SLCO3A1: variants seen among roughly 807,000 people sequenced by gnomAD.
SLCO3A1 encodes the protein PGE1 transporter.
Under a neutral mutation model 63.1 loss-of-function variants are expected in SLCO3A1, and 27 were observed. That is an observed-to-expected ratio of 0.43 (90% CI 0.32 to 0.59). The LOEUF (loss-of-function observed/expected upper bound fraction) is 0.59. Among genes scored for constraint, SLCO3A1 ranks in the 20% least tolerant of loss-of-function variants. The probability of loss-of-function intolerance (pLI) is 0.09; values close to 1 mark genes in which losing one functional copy is unlikely to be tolerated. For missense variants in SLCO3A1, 773 were observed against 945.8 expected, an observed-to-expected ratio of 0.82 and a Z score of 2.40; for synonymous variants, 473 against 409.9, an observed-to-expected ratio of 1.15 and a Z score of -1.86.
chr15:92,112,920 G>T (rs1362510590), intron 4 of SLCO3A1, among the ~76,000 whole-genome samples: 6 of 152,178 alleles, frequency 3.9e-5, no homozygotes, highest in Non-Finnish European at 8.8e-5. Context: ...TTTCCAGGGT[G>T]AATGCCTCCA....
chr15:91,880,393 C>CTGTGTG lies in SLCO3A1; in HGVS notation c.180+26306_180+26307insGTGTGT, dbSNP rs1312987837. On this transcript the variant is annotated intron_variant, in intron 1 of 9. Transcript: ENST00000318445. Reference sequence around the variant, plus strand: ...CCGGCACTCGTGCTTCTCTCTCTCTCTCTCTCTCTCTCTCTCTGTGTGTGT... The same window carrying CTGTGTG: ...CCGGCACTCGTGCTTCTCTCTCTCTCTGTGTGTCTCTCTCTCTCTCTCTGTGTGTGT... Among the ~76,000 whole-genome samples the CTGTGTG allele has an allele frequency of 7.1e-3, 316 of 44,688 alleles. 3 individuals are homozygous for CTGTGTG. Among genetic ancestry groups the CTGTGTG allele is most frequent in the Middle Eastern group, 0.024 (2 of 82 alleles). 29.3% of individuals were successfully genotyped at this position (44,688 alleles called of 152,430 possible). A position where few individuals can be genotyped will look rare whatever the true frequency, so the allele number is the denominator to read the frequency against.
At chr15:92,103,443 C>T (rs1400501597) in intron 3 of SLCO3A1, among the ~76,000 whole-genome samples, 1 of 152,022 alleles carries the variant, frequency 6.6e-6, no homozygotes, top group Non-Finnish European at 1.5e-5. Context: ...ATATGCATAG[C>T]CCCTTTAAGC....
intron 2 of SLCO3A1, among the ~76,000 whole-genome samples, chr15:92,021,444 A>G (rs910976446): frequency 1.3e-5 from 2 of 152,218 alleles, no homozygotes; most frequent in Admixed American, 6.5e-5. Context: ...ATTCATAAAC[A>G]AAATAATTTA....
chr15:91,966,330 G>A (rs1044624382), intron 2 of SLCO3A1, among the ~76,000 whole-genome samples: 1 of 152,202 alleles, frequency 6.6e-6, no homozygotes, highest in African/African-American at 2.4e-5. Flanking sequence ...AGACAAAGAG[G>A]TTTGTAGCCA....
At chr15:92,143,430 A>ATGTAATATTATATATAAT (rs1193323281) in intron 7 of SLCO3A1, among the ~76,000 whole-genome samples, 1 of 2,038 alleles carries the variant, frequency 4.9e-4, no homozygotes, top group African/African-American at 1.9e-3. Context: ...ATATATATAT[A>ATGTAATATTATATATAAT]ATATATATAA....
intron 9 of SLCO3A1, among the ~76,000 whole-genome samples, chr15:92,154,216 A>G (rs7162961): frequency 0.51 from 78,335 of 152,156 alleles, 20,529 homozygotes; most frequent in East Asian, 0.86. Flanking sequence ...ATTATTCTCC[A>G]AGTGGAAGCA....
chr15:92,017,765 C>A lies in SLCO3A1; in HGVS notation c.647-77116C>A, dbSNP rs781025201. Among the ~76,000 whole-genome samples the A allele has an allele frequency of 4.6e-5, 7 of 152,224 alleles. No individual in the cohort carries two copies. The East Asian group carries it at 5.8e-4, about 13-fold the overall frequency. On this transcript the variant is annotated intron_variant, in intron 2 of 9. Coordinates refer to ENST00000318445, the MANE Select transcript of SLCO3A1 (RefSeq NM_013272.4). ...AGGGAAGGTGAAGCTACCAGGGGCA[C>A]ATGACACCTCCCAGGATGCTCAGAC...
At chr15:92,014,760 C>CT (rs1958813055) in intron 2 of SLCO3A1, among the ~76,000 whole-genome samples, 1 of 152,066 alleles carries the variant, frequency 6.6e-6, no homozygotes, top group South Asian at 2.1e-4. Context: ...GGATATTGTC[C>CT]TTCTCTGTGG....
At chr15:92,022,888 A>G (rs1428398872) in intron 2 of SLCO3A1, among the ~76,000 whole-genome samples, 1 of 152,008 alleles carries the variant, frequency 6.6e-6, no homozygotes, top group East Asian at 1.9e-4. Context: ...TGCTACCTGC[A>G]GTCAGGGAGT....
At chr15:92,080,048 T>C (rs1471918140) in intron 2 of SLCO3A1, among the ~76,000 whole-genome samples, 1 of 152,262 alleles carries the variant, frequency 6.6e-6, no homozygotes, top group Admixed American at 6.5e-5. Flanking sequence ...TTCACCCTGG[T>C]AAGGCCTGGC....
chr15:92,077,595 T>C (rs966830153), intron 2 of SLCO3A1, among the ~76,000 whole-genome samples: 3 of 152,086 alleles, frequency 2.0e-5, no homozygotes, highest in African/African-American at 7.2e-5. Context: ...CCACTGGTGG[T>C]GGAGCACGAG....
intron 8 of SLCO3A1, 101 bp downstream of exon 8, chr15:92,147,260 C>A: frequency 8.1e-7 from 1 of 1,237,672 alleles, no homozygotes; most frequent in Non-Finnish European, 1.1e-6. Flanking sequence ...TCTCTCGAAC[C>A]AGGTGAGCTA....
At chr15:92,024,122 C>T (rs2046542279) in intron 2 of SLCO3A1, among the ~76,000 whole-genome samples, 1 of 152,218 alleles carries the variant, frequency 6.6e-6, no homozygotes, top group South Asian at 2.1e-4. Context: ...GGTTGCAAAA[C>T]TGTGGACATA....
chr15:92,045,401 A>G (rs1047675803), intron 2 of SLCO3A1, among the ~76,000 whole-genome samples: 3 of 152,194 alleles, frequency 2.0e-5, no homozygotes, highest in Non-Finnish European at 4.4e-5. Flanking sequence ...AGAAATTACC[A>G]TTATAATGTG....
At chr15:91,907,188 A>G (rs1375843319) in intron 1 of SLCO3A1, among the ~76,000 whole-genome samples, 1 of 152,152 alleles carries the variant, frequency 6.6e-6, no homozygotes, top group Non-Finnish European at 1.5e-5. Flanking sequence ...CTTAAAGGAC[A>G]GACCAAGGAG....
At position 92,146,841 on chromosome 15, in the gene SLCO3A1, C is replaced by T. The variant is rs1596144937; in HGVS notation, c.1513-143C>T. 7 of 681,330 alleles carry T rather than the reference C, an allele frequency of 1.0e-5. No homozygotes were observed. The East Asian group carries it at 2.1e-4, about 20-fold the overall frequency. The allele number at this position is 681,330 out of a possible 1,614,324, so 42.2% of individuals were successfully genotyped here. Reference sequence around the variant, plus strand: ...GTGTTTTGCAGCCTCCTTAAAAAAGCTAACTAACTCGTTTATTCAGGCCTA... The same window carrying T: ...GTGTTTTGCAGCCTCCTTAAAAAAGTTAACTAACTCGTTTATTCAGGCCTA... On this transcript the variant is annotated intron_variant, in intron 7 of 9. Coordinates refer to ENST00000318445, the MANE Select transcript of SLCO3A1 (RefSeq NM_013272.4).
intron 2 of SLCO3A1, among the ~76,000 whole-genome samples, chr15:91,931,788 A>AACACACACACACACAC (rs112525299): frequency 0.011 from 1,626 of 144,176 alleles, 26 homozygotes; most frequent in East Asian, 0.048. Context: ...TAAGTGTGGA[A>AACACACACACACACAC]ACACACACAC....
chr15:91,869,019 A>G (rs1011278352), intron 1 of SLCO3A1, among the ~76,000 whole-genome samples: 5 of 152,224 alleles, frequency 3.3e-5, no homozygotes, highest in African/African-American at 7.2e-5. Context: ...TCCCCCATTC[A>G]GAAATAATCA....
At chr15:92,114,319 C>A (rs921055640) in intron 4 of SLCO3A1, among the ~76,000 whole-genome samples, 1 of 152,178 alleles carries the variant, frequency 6.6e-6, no homozygotes, top group Non-Finnish European at 1.5e-5. Context: ...TTCATTCATT[C>A]ATTTTAAAAT....
Sources: allele counts gnomAD v4.1 joint callset (sites outside exome capture counted in the v4.1 genomes callset), GRCh38; gene constraint gnomAD v4.1.1; transcripts MANE v1.5; gene names NCBI Gene and HGNC (gene_info 2026-07-23, HGNC 2026-07-21).